CNTN3: variants seen among roughly 807,000 people sequenced by gnomAD.
CNTN3 encodes the protein contactin 3, also known as contactin-3.
In CNTN3, 60 loss-of-function variants were observed where a neutral mutation model predicts 119.1. The ratio of observed to expected loss-of-function variants is 0.50; its 90% CI spans 0.41 to 0.62. The LOEUF (loss-of-function observed/expected upper bound fraction) is 0.62. Ranked by LOEUF, CNTN3 falls within the 20% of genes least tolerant of loss-of-function variation. The pLI, the probability that CNTN3 is intolerant of heterozygous loss-of-function variation, is 0.00. For synonymous variants in CNTN3, 450 were observed against 438.7 expected (o/e 1.03, Z -0.32); for missense variants, 1,101 against 1,242.4 (o/e 0.89, Z 1.71).
intron 2 of CNTN3, among the ~76,000 whole-genome samples, chr3:74,512,455 T>C (rs181334631): frequency 6.6e-6 from 1 of 152,168 alleles, no homozygotes; most frequent in African/African-American, 2.4e-5. Context: ...ACTGGATCAG[T>C]TCTCATTGAG....
In CNTN3 at chr3:74,345,476, AAAT is replaced by A. The variant is rs578230371; in HGVS notation, c.1365-8821_1365-8819del. Among the ~76,000 whole-genome samples, 322 of 152,346 alleles carry A rather than the reference AAAT, an allele frequency of 2.1e-3. 1 individual carries two copies. The highest frequency in any genetic ancestry group is 7.2e-3 in the African/African-American group (300 of 41,590). ...CAAGGCTTCTAAAAACATACGTGAG[AAAT>A]AATGAGAAATGGTGAGAAATAATAT... is the stretch of plus-strand genomic sequence containing the variant. On this transcript the variant is annotated intron_variant, in intron 11 of 22. Coordinates refer to ENST00000263665, the MANE Select transcript of CNTN3 (RefSeq NM_020872.3).
At chr3:74,303,927 GAAAATGATC>G (rs1172953912) in intron 13 of CNTN3, among the ~76,000 whole-genome samples, 1 of 152,088 alleles carries the variant, frequency 6.6e-6, no homozygotes, top group Non-Finnish European at 1.5e-5. Context: ...AAAGCCCTTG[GAAAATGATC>G]ATCAGTTCAT....
intron 5 of CNTN3, among the ~76,000 whole-genome samples, chr3:74,372,605 T>A (rs1704369792): frequency 6.6e-6 from 1 of 151,818 alleles, no homozygotes; most frequent in African/African-American, 2.4e-5. Context: ...AAAAAAAAAC[T>A]TTTGGAAAAC....
At chr3:74,591,528 G>A (rs1475849127) in intron 1 of CNTN3, among the ~76,000 whole-genome samples, 1 of 151,854 alleles carries the variant, frequency 6.6e-6, no homozygotes, top group East Asian at 1.9e-4. Context: ...GGGGAGAGGA[G>A]AGACCAGAGA....
intron 1 of CNTN3, among the ~76,000 whole-genome samples, chr3:74,569,173 A>T (rs1331813333): frequency 6.6e-6 from 1 of 152,138 alleles, no homozygotes; most frequent in East Asian, 1.9e-4. Flanking sequence ...CTGCCTCTAA[A>T]GACTCATATC....
chr3:74,358,101 G>T (rs1294875458), intron 11 of CNTN3, among the ~76,000 whole-genome samples: 1 of 152,174 alleles, frequency 6.6e-6, no homozygotes, highest in Non-Finnish European at 1.5e-5. Context: ...ATTGCTTCTA[G>T]CAGGCTTCTC....
intron 19 of CNTN3, among the ~76,000 whole-genome samples, chr3:74,289,473 G>C: frequency 6.6e-6 from 1 of 152,064 alleles, no homozygotes; most frequent in East Asian, 1.9e-4. Context: ...GGCAATATCA[G>C]CATGCATTAG....
At chr3:74,508,411 C>T (rs1236139172) in intron 2 of CNTN3, among the ~76,000 whole-genome samples, 1 of 152,026 alleles carries the variant, frequency 6.6e-6, no homozygotes, top group Non-Finnish European at 1.5e-5. Context: ...AACAACTTTC[C>T]CCAAAATGCA....
chr3:74,612,583 T>G (rs1028258527), intron 1 of CNTN3, among the ~76,000 whole-genome samples: 9 of 152,124 alleles, frequency 5.9e-5, no homozygotes, highest in African/African-American at 2.2e-4. Context: ...ACCCTGCATA[T>G]CAATTAGACA....
At chr3:74,457,199 G>T (rs1702286153) in intron 4 of CNTN3, among the ~76,000 whole-genome samples, 1 of 151,942 alleles carries the variant, frequency 6.6e-6, no homozygotes, top group Non-Finnish European at 1.5e-5. Context: ...TGGAAAAAAA[G>T]AAATCACCAT....
Position 74,381,020 on chromosome 3 carries a change from C to A in CNTN3, c.455-9621G>T, listed in dbSNP as rs115568937. Among the ~76,000 whole-genome samples, 692 of 150,306 alleles carry A rather than the reference C, an allele frequency of 4.6e-3. 2 individuals carry two copies. The highest frequency in any genetic ancestry group is 0.016 in the African/African-American group (675 of 41,082). ...ATTACAAGGGTCTTCTTACCAGGGA[C>A]AATGAACGACTCCTTAGAAAGCTGG... On this transcript the variant is annotated intron_variant, in intron 5 of 22. Transcript: ENST00000263665.
intron 5 of CNTN3, among the ~76,000 whole-genome samples, chr3:74,389,410 A>G (rs1055582614): frequency 2.0e-4 from 31 of 152,318 alleles, no homozygotes; most frequent in Non-Finnish European, 3.8e-4. Flanking sequence ...ATAAATAAAA[A>G]TAAGTCCCAA....
At chr3:74,578,385 T>C (rs1704451625) in intron 1 of CNTN3, among the ~76,000 whole-genome samples, 1 of 152,108 alleles carries the variant, frequency 6.6e-6, no homozygotes, top group South Asian at 2.1e-4. Flanking sequence ...GTGCAATGCA[T>C]CACTTTTCTT....
intron 11 of CNTN3, among the ~76,000 whole-genome samples, chr3:74,339,857 AAC>A (rs894053703): frequency 2.0e-5 from 3 of 151,856 alleles, no homozygotes; most frequent in African/African-American, 7.3e-5. Context: ...GACTAATACA[AAC>A]ACACACACAT....
chr3:74,339,978 A>T (rs544262974), intron 11 of CNTN3, among the ~76,000 whole-genome samples: 1 of 152,270 alleles, frequency 6.6e-6, no homozygotes, highest in South Asian at 2.1e-4. Context: ...GCATCTGCAG[A>T]TTCTGTAGAT....
At chr3:74,588,277 G>A (rs184731976) in intron 1 of CNTN3, among the ~76,000 whole-genome samples, 241 of 152,164 alleles carry the variant, frequency 1.6e-3, no homozygotes, top group Non-Finnish European at 2.8e-3. Flanking sequence ...AAAAATCAAT[G>A]TACAAAAATC....
rs192332624 is a variant in CNTN3 at position 74,305,338 on chromosome 3, T to C, written c.1669-2531A>G. On this transcript the variant is annotated intron_variant, in intron 13 of 22. Coordinates refer to ENST00000263665, the MANE Select transcript of CNTN3 (RefSeq NM_020872.3). ...AGATTGGTACAATTACTCTGGACAA[T>C]TGTTTAGAAGCATCTACGAAGGCAG... Among the ~76,000 whole-genome samples the C allele has an allele frequency of 3.8e-4, 58 of 150,906 alleles. 1 individual carries two copies. Among genetic ancestry groups the C allele is most frequent in the African/African-American group, 1.3e-3 (53 of 41,064 alleles).
chr3:74,499,489 A>G (rs776361591), intron 3 of CNTN3, among the ~76,000 whole-genome samples, 170 bp downstream of exon 3: 6 of 152,026 alleles, frequency 3.9e-5, no homozygotes, highest in Non-Finnish European at 1.5e-5. Flanking sequence ...TATGCTACAT[A>G]TAGATTTAAA....
At chr3:74,329,950 C>T (rs1385512629) in intron 13 of CNTN3, among the ~76,000 whole-genome samples, 1 of 152,082 alleles carries the variant, frequency 6.6e-6, no homozygotes, top group Admixed American at 6.6e-5. Flanking sequence ...AAACTGTGTT[C>T]CAGGAAGAGA....
Sources: gnomAD v4.1 joint callset for allele counts (sites outside exome capture counted in the v4.1 genomes callset) on GRCh38, gnomAD v4.1.1 for gene constraint, MANE v1.5 for transcripts, NCBI Gene and HGNC (gene_info 2026-07-23, HGNC 2026-07-21) for gene names.